TTC7A: variants seen among roughly 807,000 people sequenced by gnomAD.
The protein encoded by TTC7A is tetratricopeptide repeat domain 7A.
A neutral mutation model predicts 103.7 loss-of-function variants in TTC7A; 110 were observed. The observed-to-expected ratio is 1.06, with a 90% confidence interval of 0.91 to 1.24. The LOEUF is 1.24. TTC7A is among the 50% of genes most tolerant of loss of function. The pLI is 0.00. For synonymous variants in TTC7A, 521 were observed against 467.9 expected, an observed-to-expected ratio of 1.11 and a Z score of -1.47; for missense variants, 1,340 against 1,116.3, an observed-to-expected ratio of 1.20 and a Z score of -2.86.
intron 14 of TTC7A, among the ~76,000 whole-genome samples, chr2:47,027,579 G>A (rs1303530576): frequency 6.6e-6 from 1 of 152,254 alleles, no homozygotes; most frequent in African/African-American, 2.4e-5. Context: ...GAGAATGAGG[G>A]ACAAAGGTGA....
At chr2:47,037,665 C>T (rs1681259262) in intron 15 of TTC7A, among the ~76,000 whole-genome samples, 1 of 152,326 alleles carries the variant, frequency 6.6e-6, no homozygotes, top group East Asian at 1.9e-4. Flanking sequence ...GTGCTGGCTC[C>T]AGCCGGGCAC....
chr2:47,034,080 T>C (rs942318145), intron 15 of TTC7A: 2 of 152,246 alleles, frequency 1.3e-5, no homozygotes, highest in African/African-American at 4.8e-5. Context: ...GGATGACCTT[T>C]AGTTAGTGGA....
chr2:47,044,589 C>G (rs1222943261), intron 15 of TTC7A, among the ~76,000 whole-genome samples: 1 of 152,156 alleles, frequency 6.6e-6, no homozygotes, highest in African/African-American at 2.4e-5. Context: ...GTTCTATGTT[C>G]CAAGATGGGT....
Position 47,047,083 on chromosome 2 carries a change from C to T in TTC7A, c.1919+652C>T, listed in dbSNP as rs576045449. ...TGTCCAGGCTGAATCTGCAGGAAGTCTTTGCTCAAACCCAATGGGATGCCT... is the reference window on the plus strand; with the variant it reads ...TGTCCAGGCTGAATCTGCAGGAAGTTTTTGCTCAAACCCAATGGGATGCCT... On this transcript the variant is annotated intron_variant, in intron 16 of 19. Transcript: ENST00000319190. 1.1e-4 allele frequency among the ~76,000 whole-genome samples: 16 copies of T among 152,270 alleles called. No homozygotes were observed. The East Asian group carries it at 2.9e-3, about 28-fold the overall frequency.
intron 7 of TTC7A, among the ~76,000 whole-genome samples, chr2:46,994,926 G>A (rs1278300064): frequency 3.3e-5 from 5 of 152,128 alleles, no homozygotes; most frequent in East Asian, 1.9e-4. Flanking sequence ...GGGAGAATCC[G>A]TACTATTCCA....
chr2:46,958,101 G>C (rs535391918), intron 3 of TTC7A, among the ~76,000 whole-genome samples: 2 of 152,180 alleles, frequency 1.3e-5, no homozygotes, highest in Non-Finnish European at 2.9e-5. Context: ...AGTTTCCCCT[G>C]TCTCCCCTGG....
At chr2:46,923,618 G>GTGA (rs1170786716) in intron 2 of TTC7A, among the ~76,000 whole-genome samples, 1 of 152,198 alleles carries the variant, frequency 6.6e-6, no homozygotes, top group African/African-American at 2.4e-5. Context: ...TTGACCAGGT[G>GTGA]TGATGGTTCA....
In TTC7A at chr2:47,005,954, G is replaced by A. The variant is rs368215180; in HGVS notation, c.1098G>A (p.Pro366=). 8 of 1,614,084 alleles carry A rather than the reference G, an allele frequency of 5.0e-6. No individual in the cohort carries two copies. The highest frequency in any genetic ancestry group is 1.1e-5 in the South Asian group (1 of 91,070). ...GAGATGTGGTGCTGAGCCGGGTGCC[G>A]GAGCAGGAGGAGGACCGGACAGTGA... is the stretch of plus-strand genomic sequence containing the variant. ...ATRDVVLSRV[P]EQEEDRTVSL... is the part of the protein sequence containing the mutation. The change falls in exon 9 of 20, where the codon CCG becomes CCA. Residue 366 remains proline, a synonymous_variant. Coordinates refer to ENST00000319190, the MANE Select transcript of TTC7A (RefSeq NM_020458.4).
intron 14 of TTC7A, among the ~76,000 whole-genome samples, chr2:47,025,486 C>T (rs1045685335): frequency 1.3e-5 from 2 of 152,176 alleles, no homozygotes; most frequent in African/African-American, 4.8e-5. Context: ...CTGGGGCAAG[C>T]CAGGCTCTGC....
In TTC7A at chr2:47,005,933, TGTG is replaced by T. The variant is rs777711811; in HGVS notation, c.1081_1083del (p.Val361del). On this transcript the variant is annotated inframe_deletion, in exon 9 of 20. Coordinates refer to ENST00000319190, the MANE Select transcript of TTC7A (RefSeq NM_020458.4). Reference sequence around the variant, plus strand: ...TGTCCCACCCACAGGCAACTCGAGATGTGGTGCTGAGCCGGGTGCCGGAGCAGG... The same window carrying T: ...TGTCCCACCCACAGGCAACTCGAGATGTGCTGAGCCGGGTGCCGGAGCAGG... 6 of 1,614,084 alleles carry T rather than the reference TGTG, an allele frequency of 3.7e-6. No individual in the cohort carries two copies. The highest frequency in any genetic ancestry group is 5.1e-6 in the Non-Finnish European group (6 of 1,180,006).
intron 19 of TTC7A, among the ~76,000 whole-genome samples, chr2:47,072,912 A>C (rs1684889026): frequency 6.6e-6 from 1 of 152,150 alleles, no homozygotes; most frequent in Admixed American, 6.5e-5. Context: ...TTCACTTCCC[A>C]GCCTCTTCTT....
chr2:47,032,504 G>A (rs1680660355), intron 15 of TTC7A, among the ~76,000 whole-genome samples: 1 of 152,156 alleles, frequency 6.6e-6, no homozygotes, highest in South Asian at 2.1e-4. Flanking sequence ...TGGGGCCTAG[G>A]GGAATCAGCT....
At chr2:46,994,222 G>A in intron 6 of TTC7A, 135 bp from the exon 7 acceptor site, 3 of 1,034,864 alleles carry the variant, frequency 2.9e-6, no homozygotes, top group Non-Finnish European at 4.2e-6. Context: ...TTGGGAGTGG[G>A]GTTGGGGAGT....
At chr2:47,062,965 G>A (rs958374117) in intron 19 of TTC7A, among the ~76,000 whole-genome samples, 1 of 152,232 alleles carries the variant, frequency 6.6e-6, no homozygotes, top group Non-Finnish European at 1.5e-5. Context: ...AGCCCATCCC[G>A]TCTACAGGCT....
At chr2:46,957,676 G>A (rs1200923428) in intron 3 of TTC7A, among the ~76,000 whole-genome samples, 2 of 152,132 alleles carry the variant, frequency 1.3e-5, no homozygotes, top group Non-Finnish European at 2.9e-5. Context: ...TGGGGGAATC[G>A]TGCCATTTAA....
At position 46,959,136 on chromosome 2, in the gene TTC7A, T is replaced by C. The variant is rs115935319; in HGVS notation, c.517+2129T>C. ...CTTGTGATACTGTTGCTGAGAATCC[T>C]AGGATGAAAGGAATCAAGTGATCCA... On this transcript the variant is annotated intron_variant, in intron 3 of 19. Transcript: ENST00000319190. 5.6e-3 allele frequency among the ~76,000 whole-genome samples: 851 copies of C among 152,266 alleles called. 14 individuals are homozygous for C. The highest frequency in any genetic ancestry group is 0.019 in the African/African-American group (787 of 41,550).
intron 15 of TTC7A, among the ~76,000 whole-genome samples, chr2:47,030,161 G>C (rs968320334): frequency 6.6e-6 from 1 of 152,212 alleles, no homozygotes; most frequent in African/African-American, 2.4e-5. Context: ...TTCCACCTTA[G>C]GGTCTGAAGG....
At chr2:47,022,325 C>T (rs1679380925) in intron 12 of TTC7A, among the ~76,000 whole-genome samples, 1 of 152,210 alleles carries the variant, frequency 6.6e-6, no homozygotes, top group African/African-American at 2.4e-5. Flanking sequence ...ATCAGCCCTC[C>T]ACCTCACAAT....
chr2:46,996,474 T>C (rs2104399137), intron 8 of TTC7A, among the ~76,000 whole-genome samples: 1 of 152,374 alleles, frequency 6.6e-6, no homozygotes, highest in Admixed American at 6.5e-5. Flanking sequence ...ATGCCAGGGC[T>C]TGCTTAGATA....
Sources: allele counts gnomAD v4.1 joint callset (sites outside exome capture counted in the v4.1 genomes callset), GRCh38; gene constraint gnomAD v4.1.1; transcripts MANE v1.5; gene names NCBI Gene and HGNC (gene_info 2026-07-23, HGNC 2026-07-21).